The following FOCAD variants were observed in gnomAD, a reference collection of about 807,000 sequenced individuals.
FOCAD encodes the protein KIAA1797.
FOCAD carries 198 observed loss-of-function variants against 225.6 expected under a neutral mutation model. The observed-to-expected ratio is 0.88, with a 90% CI of 0.78 to 0.99. FOCAD has a LOEUF of 0.99. Among genes scored for constraint, FOCAD ranks in the 50% least tolerant of loss-of-function variants. The pLI, the probability that FOCAD is intolerant of heterozygous loss-of-function variation, is 0.00. For synonymous variants in FOCAD, 897 were observed against 755.0 expected, an observed-to-expected ratio of 1.19 and a Z score of -3.08; for missense variants, 2,713 against 2,123.6, an observed-to-expected ratio of 1.28 and a Z score of -5.46.
At chr9:20,773,097 A>AT in intron 8 of FOCAD, among the ~76,000 whole-genome samples, 1 of 152,160 alleles carries the variant, frequency 6.6e-6, no homozygotes, top group Non-Finnish European at 1.5e-5. Context: ...GGTAAAACCC[A>AT]TATTTTTCCT....
chr9:20,699,773 AATATATATATATATATAT>A (rs1277614689), intron 1 of FOCAD, among the ~76,000 whole-genome samples: 667 of 30,346 alleles, frequency 0.022, 14 homozygotes, highest in African/African-American at 0.051. Context: ...AAAAAAAAAA[AATATATATATATATATAT>A]ATATATATAT....
At chr9:20,669,924 G>T (rs914767555) in intron 2 of FOCAD, among the ~76,000 whole-genome samples, 1 of 152,188 alleles carries the variant, frequency 6.6e-6, no homozygotes, top group East Asian at 1.9e-4. Flanking sequence ...TACTCATGAA[G>T]CCCAGATTCT....
chr9:20,698,420 G>A (rs1284906490), intron 1 of FOCAD, among the ~76,000 whole-genome samples: 5 of 151,832 alleles, frequency 3.3e-5, no homozygotes, highest in Non-Finnish European at 5.9e-5. Flanking sequence ...TTATTTTTGA[G>A]ATAGAGTCTT....
intron 2 of FOCAD, among the ~76,000 whole-genome samples, chr9:20,666,500 G>A (rs1250244281): frequency 6.6e-6 from 1 of 152,104 alleles, no homozygotes; most frequent in Non-Finnish European, 1.5e-5. Context: ...AGCCCAGGAG[G>A]CAGAGGTTGC....
intron 22 of FOCAD, among the ~76,000 whole-genome samples, chr9:20,911,512 G>A (rs1488959308): frequency 6.6e-6 from 1 of 152,138 alleles, no homozygotes; most frequent in African/African-American, 2.4e-5. Context: ...TATTTCAGGA[G>A]ATATTTAGAT....
At chr9:20,843,707 T>G (rs1398283352) in intron 15 of FOCAD, among the ~76,000 whole-genome samples, 1 of 152,136 alleles carries the variant, frequency 6.6e-6, no homozygotes. Context: ...TTGATCTTTC[T>G]TTCTACCTCC....
At chr9:20,906,692 C>T (rs1208166909) in intron 21 of FOCAD, among the ~76,000 whole-genome samples, 1 of 152,022 alleles carries the variant, frequency 6.6e-6, no homozygotes, top group African/African-American at 2.4e-5. Flanking sequence ...TTCTACACAA[C>T]ATGATATTTC....
chr9:20,916,804 C>G lies in FOCAD; in HGVS notation c.2808-89C>G, dbSNP rs914685044. On this transcript the variant is annotated intron_variant, in intron 23 of 43. Coordinates refer to ENST00000338382, the MANE Select transcript of FOCAD (RefSeq NM_001375567.1). ...ATAGTTTTAAGATCTGGAGCCATTG[C>G]TGGAGGTTCTTATTAATTGATGAAA... 4.0e-5 allele frequency: 47 copies of G among 1,182,256 alleles called. No individual in the cohort carries two copies. In the African/African-American group the frequency reaches 5.7e-4, roughly 14 times the overall value. The allele number at this position is 1,182,256 out of a possible 1,614,324, so 73.2% of individuals were successfully genotyped here.
rs973072076 is a variant in FOCAD at position 20,773,846 on chromosome 9, G to A, written c.906+3608G>A. 3.3e-5 allele frequency among the ~76,000 whole-genome samples: 5 copies of A among 152,098 alleles called. No individual in the cohort carries two copies. The East Asian group carries it at 9.6e-4, about 29-fold the overall frequency. On this transcript the variant is annotated intron_variant, in intron 8 of 43. Coordinates refer to ENST00000338382, the MANE Select transcript of FOCAD (RefSeq NM_001375567.1). Reference sequence around the variant, plus strand: ...AGTTTCCTATCTTCTGGATTTTGCTGATTGCAACCGTATGGTGCCCTTTAA... The same window carrying A: ...AGTTTCCTATCTTCTGGATTTTGCTAATTGCAACCGTATGGTGCCCTTTAA...
At chr9:20,741,849 C>T (rs757209412) in intron 5 of FOCAD, among the ~76,000 whole-genome samples, 11 of 151,524 alleles carry the variant, frequency 7.3e-5, no homozygotes, top group Non-Finnish European at 1.5e-4. Context: ...AACTCTTGGG[C>T]CAGAGTTCAG....
intron 39 of FOCAD, 22 bp from the exon 40 acceptor site, chr9:20,986,266 A>ATTTTTTTTTTTTTTTTTTTCTT (rs545976303): frequency 1.6e-6 from 1 of 606,560 alleles, no homozygotes; most frequent in Non-Finnish European, 2.1e-6. Context: ...TAACTAAACA[A>ATTTTTTTTTTTTTTTTTTTCTT]TTTTTTTTTT....
At chr9:20,961,266 A>G (rs907590830) in intron 35 of FOCAD, among the ~76,000 whole-genome samples, 1 of 151,012 alleles carries the variant, frequency 6.6e-6, no homozygotes, top group Admixed American at 6.6e-5. Flanking sequence ...TTAACTATTC[A>G]GTTATCTATT....
intron 30 of FOCAD, among the ~76,000 whole-genome samples, chr9:20,948,025 T>A (rs960330304): frequency 6.6e-6 from 1 of 152,082 alleles, no homozygotes; most frequent in African/African-American, 2.4e-5. Flanking sequence ...ATTACTTTCC[T>A]GAAATAAATT....
chr9:20,861,101 T>C (rs1452118950), intron 15 of FOCAD, among the ~76,000 whole-genome samples: 2 of 152,208 alleles, frequency 1.3e-5, no homozygotes, highest in Non-Finnish European at 2.9e-5. Flanking sequence ...CCCTGATGAC[T>C]CCTACCCATT....
intron 1 of FOCAD, among the ~76,000 whole-genome samples, chr9:20,695,290 A>G (rs1420079422): frequency 6.6e-6 from 1 of 152,138 alleles, no homozygotes; most frequent in Non-Finnish European, 1.5e-5. Flanking sequence ...ACTTTTAGTG[A>G]TGCTAAGATG....
At chr9:20,753,092 A>T (rs1318772216) in intron 5 of FOCAD, among the ~76,000 whole-genome samples, 3 of 152,170 alleles carry the variant, frequency 2.0e-5, no homozygotes. Context: ...ATATACAATC[A>T]TGTTGTCTGC....
intron 11 of FOCAD, among the ~76,000 whole-genome samples, chr9:20,795,340 C>A (rs1187936737): frequency 6.6e-6 from 1 of 152,164 alleles, no homozygotes; most frequent in African/African-American, 2.4e-5. Flanking sequence ...ATTCCTGTTA[C>A]CACAATTACT....
chr9:20,855,576 A>G (rs1828092185), intron 15 of FOCAD, among the ~76,000 whole-genome samples: 2 of 151,724 alleles, frequency 1.3e-5, no homozygotes, highest in African/African-American at 4.8e-5. Flanking sequence ...CCATCACCTC[A>G]AGCATTATCA....
Position 20,672,631 on chromosome 9 carries a change from A to G in FOCAD, c.-78+13805A>G, listed in dbSNP as rs150076383. 5.8e-3 allele frequency among the ~76,000 whole-genome samples: 879 copies of G among 152,290 alleles called. 12 individuals carry two copies. Among genetic ancestry groups the G allele is most frequent in the African/African-American group, 0.02 (848 of 41,570 alleles). ...ACGCCCAGCTAATTTTTGTATTTTT[A>G]GTAGAGACAGGGTCTCGCCACATTG... is the stretch of plus-strand genomic sequence containing the variant. On this transcript the variant is annotated intron_variant, in intron 2 of 45. Coordinates refer to the FOCAD transcript ENST00000380249.
Sources: gnomAD v4.1 joint callset for allele counts (sites outside exome capture counted in the v4.1 genomes callset) on GRCh38, gnomAD v4.1.1 for gene constraint, MANE v1.5 for transcripts, NCBI Gene and HGNC (gene_info 2026-07-23, HGNC 2026-07-21) for gene names.